Variants in DST observed in about 807,000 individuals in gnomAD.
DST encodes dystonin, also known as bullous pemphigoid antigen.
A neutral mutation model predicts 875.2 loss-of-function variants in DST; 253 were observed. That is an observed-to-expected ratio of 0.29 (90% confidence interval 0.26 to 0.32). The LOEUF (loss-of-function observed/expected upper bound fraction) is 0.32. DST is among the 10% of genes least tolerant of loss of function. The pLI, the probability that DST is intolerant of heterozygous loss-of-function variation, is 1.00. For synonymous variants in DST, 3,124 were observed against 3,197.1 expected, an observed-to-expected ratio of 0.98 and a Z score of 0.77; for missense variants, 8,287 against 9,111.6, an observed-to-expected ratio of 0.91 and a Z score of 3.68.
intron 92 of DST, among the ~76,000 whole-genome samples, chr6:56,475,426 CACACACACAA>C (rs2095137457): frequency 7.6e-6 from 1 of 131,992 alleles, no homozygotes. Flanking sequence ...CACACACACA[CACACACACAA>C]AATAATGGCA....
Position 56,639,976 on chromosome 6 carries a change from C to G in DST, c.2572G>C (p.Ala858Pro), listed in dbSNP as rs761788534. 2 of 1,613,486 alleles carry G rather than the reference C, an allele frequency of 1.2e-6. No homozygotes were observed. The highest frequency in any genetic ancestry group is 1.7e-6 in the Non-Finnish European group (2 of 1,179,690). The change falls in exon 19 of 104, where the codon GCT becomes CCT. Residue 858 changes from alanine to proline, a missense_variant. This residue lies in a region of DST where 1,160 missense variants were observed against 1,424.3 expected (regional missense o/e 0.81). Transcript: ENST00000680361. ...HLENHKNVHRAIEEFESSLKE... is the reference protein window; with the variant it reads ...HLENHKNVHRPIEEFESSLKE... ...AGACTAGATTCAAATTCTTCAATAG[C>G]TCTATGAACATTTTTATGATTTTCT...
rs184493233 is a variant in DST at position 56,639,101 on chromosome 6, A to G, written c.2964+158T>C. Reference sequence around the variant, plus strand: ...TGGGTGACATACTTAGAGCCAGAGAACTGAAGGCAATCAGTACAATTTGTC... The same window carrying G: ...TGGGTGACATACTTAGAGCCAGAGAGCTGAAGGCAATCAGTACAATTTGTC... On this transcript the variant is annotated intron_variant, in intron 22 of 103. Transcript: ENST00000680361. The G allele has an allele frequency of 5.7e-4, 389 of 688,214 alleles. 3 individuals carry two copies. The African/African-American group carries it at 5.8e-3, about 10-fold the overall frequency. 42.6% of individuals were successfully genotyped at this position (688,214 alleles called of 1,614,324 possible).
At chr6:56,666,305 A>C (rs6900572) in intron 10 of DST, among the ~76,000 whole-genome samples, 21,037 of 152,140 alleles carry the variant, frequency 0.14, 3,365 homozygotes, top group African/African-American at 0.39. Context: ...TATATTAATA[A>C]AAAATGTGAA....
intron 9 of DST, among the ~76,000 whole-genome samples, chr6:56,695,893 A>G (rs2099260835): frequency 6.6e-6 from 1 of 152,240 alleles, no homozygotes; most frequent in Non-Finnish European, 1.5e-5. Flanking sequence ...AGTCACTCTG[A>G]GTGAGGATGA....
intron 4 of DST, among the ~76,000 whole-genome samples, chr6:56,737,142 C>T (rs2099528235): frequency 6.6e-6 from 1 of 152,156 alleles, no homozygotes; most frequent in African/African-American, 2.4e-5. Context: ...TGCAGTGAGC[C>T]ATGATGGCGC....
chr6:56,472,206 T>C lies in DST; in HGVS notation c.22011A>G (p.Ala7337=). 6.2e-7 allele frequency: 1 copy of C among 1,613,810 alleles called. No individual in the cohort carries two copies. The highest frequency in any genetic ancestry group is 8.5e-7 in the Non-Finnish European group (1 of 1,179,786). ...GTGACCCAGAGGGATACAAGCTTGA[T>C]GCTGGAAAGCGTTTTCCTGTGAAGG... ...KGRAGRKRFP[A]SSLYPSGSQT... is the part of the protein sequence containing the mutation. Residue 7337 remains alanine (A), a synonymous_variant, in exon 94 of 104, where the codon GCA becomes GCG. Transcript: ENST00000680361.
At chr6:56,778,531 C>T (rs1424773107) in intron 4 of DST, among the ~76,000 whole-genome samples, 2 of 115,534 alleles carry the variant, frequency 1.7e-5, no homozygotes, top group Non-Finnish European at 3.5e-5. Flanking sequence ...TATCCCTCCC[C>T]CCTCCCCCCA....
intron 10 of DST, among the ~76,000 whole-genome samples, chr6:56,665,884 G>C: frequency 6.6e-6 from 1 of 152,130 alleles, no homozygotes; most frequent in South Asian, 2.1e-4. Context: ...CTATTTCACA[G>C]GATTGTGGTA....
intron 2 of DST, 73 bp downstream of exon 2, chr6:56,953,712 C>G (rs972232452): frequency 5.5e-6 from 6 of 1,100,714 alleles, no homozygotes; most frequent in South Asian, 1.4e-5. Context: ...TTTCTTAACA[C>G]GCATATAATT....
Position 56,553,430 on chromosome 6 carries a change from C to A in DST, c.15362G>T (p.Gly5121Val). 6.2e-7 allele frequency: 1 copy of A among 1,603,106 alleles called. No homozygotes were observed. Among genetic ancestry groups the A allele is most frequent in the Non-Finnish European group, 8.5e-7 (1 of 1,176,056 alleles). ...TTGTGTTTTTAATAACAGATTTTCA[C>A]CTTCTGCAATGGTTTTTTCATACAT... ...SHMYEKTIAE[G>V]ENLLLKTQGS... Residue 5121 changes from glycine (G) to valine (V), a missense_variant, in exon 61 of 104, where the codon GGT (glycine) becomes GTT (valine). Physicochemically the swap from Gly to Val is moderately radical, Grantham distance 109. Transcript: ENST00000680361.
In DST at chr6:56,634,118, A is replaced by T; in HGVS notation, c.3621+14T>A. On this transcript the variant is annotated intron_variant, in intron 27 of 103. Transcript: ENST00000680361. ...TTTTGGACATATCGAGTTGACATAC[A>T]GATTCATACTTACTGAAGCCACATT... 1 of 1,612,730 alleles carries T rather than the reference A, an allele frequency of 6.2e-7. No homozygotes were observed. Among genetic ancestry groups the T allele is most frequent in the Non-Finnish European group, 8.5e-7 (1 of 1,179,984 alleles).
chr6:56,532,740 G>T (rs1257197831), intron 63 of DST, among the ~76,000 whole-genome samples: 29 of 152,072 alleles, frequency 1.9e-4, no homozygotes. Context: ...ACTAATATTG[G>T]TAAGGCCACT....
intron 88 of DST, 62 bp from the exon 89 acceptor site, chr6:56,482,939 T>C: frequency 7.8e-7 from 1 of 1,289,082 alleles, no homozygotes; most frequent in Non-Finnish European, 1.0e-6. Context: ...CAACACATAC[T>C]GTTTGAGATA....
intron 10 of DST, among the ~76,000 whole-genome samples, chr6:56,658,749 G>A (rs981387559): frequency 2.6e-5 from 4 of 152,182 alleles, no homozygotes; most frequent in Non-Finnish European, 5.9e-5. Flanking sequence ...CATGTTCCAG[G>A]AAGTAAGGCA....
intron 2 of DST, among the ~76,000 whole-genome samples, chr6:56,919,821 C>T (rs1266844680): frequency 6.6e-6 from 1 of 152,094 alleles, no homozygotes; most frequent in African/African-American, 2.4e-5. Context: ...TTGGCATGCA[C>T]CTGTAATCCC....
chr6:56,598,434 T>A, intron 46 of DST, 42 bp downstream of exon 46: 1 of 1,228,078 alleles, frequency 8.1e-7, no homozygotes, highest in Non-Finnish European at 1.1e-6. Context: ...GCTGTTAAGC[T>A]TTTTGACATA....
At chr6:56,766,528 T>C (rs528895687) in intron 4 of DST, among the ~76,000 whole-genome samples, 1 of 151,632 alleles carries the variant, frequency 6.6e-6, no homozygotes, top group African/African-American at 2.4e-5. Flanking sequence ...GCGGTATCTT[T>C]TTTTTTTTTT....
intron 43 of DST, among the ~76,000 whole-genome samples, chr6:56,602,389 C>T (rs1189120333): frequency 2.0e-5 from 3 of 151,852 alleles, no homozygotes; most frequent in Non-Finnish European, 4.4e-5. Context: ...AGGTTTGTAG[C>T]CTAGGAGCAA....
At chr6:56,541,145 G>A (rs937915445) in intron 61 of DST, 4 of 152,576 alleles carry the variant, frequency 2.6e-5, no homozygotes, top group East Asian at 1.9e-4. Flanking sequence ...AAAATTGGCC[G>A]GGACAAACAT....
Sources: allele counts gnomAD v4.1 joint callset (sites outside exome capture counted in the v4.1 genomes callset), GRCh38; gene constraint gnomAD v4.1.1; regional missense constraint gnomAD v4.1.1; transcripts MANE v1.5; gene names NCBI Gene and HGNC (gene_info 2026-07-23, HGNC 2026-07-21).